REPS2: variants seen among roughly 807,000 people sequenced by gnomAD.
The protein encoded by REPS2 is ralBP1-associated Eps domain-containing protein 2.
In REPS2, 23 loss-of-function variants were observed where a neutral mutation model predicts 53.6. The ratio of observed to expected loss-of-function variants is 0.43; its 90% CI spans 0.31 to 0.61. The LOEUF is 0.61. Ranked by LOEUF, REPS2 falls within the 20% of genes least tolerant of loss-of-function variation. The pLI is 0.11. For missense variants in REPS2, 446 were observed against 534.9 expected (o/e 0.83, Z 1.64); for synonymous variants, 238 against 218.6 (o/e 1.09, Z -0.78).
chrX:17,172,963 C>CTGTG, the REPS2 span, among the ~76,000 whole-genome samples: 2 of 80,064 alleles, frequency 2.5e-5, no homozygotes. Context: ...ATTTTTCAGT[C>CTGTG]TGTGTGTATG....
In REPS2 at chrX:16,947,117, G is replaced by A. The variant is rs2147577195; in HGVS notation, c.256G>A (p.Ala86Thr). The change falls in exon 1 of 18, where the codon GCC becomes ACC. Residue 86 changes from alanine to threonine, a missense_variant. By Grantham distance (58) the Ala-to-Thr change is moderately conservative. Transcript: ENST00000357277. Reference sequence around the variant, plus strand: ...CCTGTTTCGGGCATCGCAGCTGCCCGCCGAGACGCTGCACCAGGTGGGTCC... The same window carrying A: ...CCTGTTTCGGGCATCGCAGCTGCCCACCGAGACGCTGCACCAGGTGGGTCC... ...ADLFRASQLPAETLHQITELC... is the reference protein window; with the variant it reads ...ADLFRASQLPTETLHQITELC... The A allele has an allele frequency of 9.1e-7, 1 of 1,093,019 alleles. No individual in the cohort carries two copies. Among genetic ancestry groups the A allele is most frequent in the Admixed American group, 3.0e-5 (1 of 33,224 alleles). The allele number at this position is 1,093,019 out of a possible 1,213,427, so 90.1% of individuals were successfully genotyped here.
chrX:16,978,486 C>T (rs1257446061), intron 1 of REPS2: 2 of 604,162 alleles, frequency 3.3e-6, no homozygotes, highest in Admixed American at 1.8e-4. Flanking sequence ...TCCTTCTGTG[C>T]CCTTGTGTTT....
At chrX:17,056,456 G>A (rs1169269741) in intron 8 of REPS2, among the ~76,000 whole-genome samples, 1 of 111,845 alleles carries the variant, frequency 8.9e-6, no homozygotes, top group Non-Finnish European at 1.9e-5. Context: ...TTGGGAGGCC[G>A]AGGCGGGCGG....
intron 13 of REPS2, among the ~76,000 whole-genome samples, chrX:17,079,399 G>A (rs2062424519): frequency 9.0e-6 from 1 of 111,660 alleles, no homozygotes; most frequent in Admixed American, 9.5e-5. Context: ...CAAAAGGACT[G>A]AACCCCAGTT....
chrX:17,099,479 A>G (rs1355812069), intron 13 of REPS2, among the ~76,000 whole-genome samples: 1 of 111,640 alleles, frequency 9.0e-6, no homozygotes, highest in East Asian at 2.8e-4. Flanking sequence ...GCTCTCCCAC[A>G]CACCCAGTTC....
At chrX:17,124,800 A>G (rs944041019) in intron 14 of REPS2, among the ~76,000 whole-genome samples, 3 of 102,270 alleles carry the variant, frequency 2.9e-5, no homozygotes, top group Admixed American at 2.1e-4. Context: ...TTGCAAACCT[A>G]AAAAAAAAAA....
chrX:17,111,598 T>TA (rs2062972301), intron 14 of REPS2, among the ~76,000 whole-genome samples: 1 of 112,163 alleles, frequency 8.9e-6, no homozygotes, highest in South Asian at 3.7e-4. Context: ...ACCAAGGCTG[T>TA]ACCTTCATTT....
rs767402685 is a variant in REPS2 at position 16,971,912 on chromosome X, C to T, written c.273+24778C>T. Among the ~76,000 whole-genome samples, 10 of 112,090 alleles carry T rather than the reference C, an allele frequency of 8.9e-5. No individual in the cohort carries two copies. In the East Asian group the frequency reaches 1.7e-3, roughly 19 times the overall value. On this transcript the variant is annotated intron_variant, in intron 1 of 17. Transcript: ENST00000357277. ...TTAATCTATTTTTGAGGCAGACTTT[C>T]GCTCCCTGATCTAAAATTAAAATGT... is the stretch of plus-strand genomic sequence containing the variant.
chrX:17,156,624 T>G (rs1425728647), downstream of REPS2, among the ~76,000 whole-genome samples: 1 of 111,207 alleles, frequency 9.0e-6, no homozygotes, highest in Non-Finnish European at 1.9e-5. Flanking sequence ...TTCTTGTACC[T>G]GGGGTGGACC....
At chrX:17,054,563 C>T (rs1277698142) in intron 7 of REPS2, among the ~76,000 whole-genome samples, 1 of 112,027 alleles carries the variant, frequency 8.9e-6, no homozygotes, top group Non-Finnish European at 1.9e-5. Flanking sequence ...TTGTAAGACA[C>T]ACCAACTAGG....
At chrX:17,184,525 G>A in the REPS2 span, among the ~76,000 whole-genome samples, 3 of 107,585 alleles carry the variant, frequency 2.8e-5, no homozygotes, top group Non-Finnish European at 5.8e-5. Flanking sequence ...ATGATTTATA[G>A]TCCTTTGGGT....
chrX:16,977,698 A>G, intron 1 of REPS2, among the ~76,000 whole-genome samples: 1 of 91,690 alleles, frequency 1.1e-5, no homozygotes, highest in Non-Finnish European at 2.1e-5. Flanking sequence ...CTTGGGCAAC[A>G]GAGCAAGACC....
chrX:17,054,113 T>C (rs952393348), intron 7 of REPS2, among the ~76,000 whole-genome samples: 198 of 112,002 alleles, frequency 1.8e-3, no homozygotes, highest in African/African-American at 6.0e-3. Flanking sequence ...GTCTGTGCCT[T>C]TTAGTGGGAA....
chrX:17,079,582 G>T (rs1325307909), intron 13 of REPS2, among the ~76,000 whole-genome samples: 1 of 112,247 alleles, frequency 8.9e-6, no homozygotes, highest in Non-Finnish European at 1.9e-5. Context: ...CTGTGTCAAT[G>T]TGACTTCAAG....
intron 1 of REPS2, among the ~76,000 whole-genome samples, chrX:16,960,280 T>C (rs373361049): frequency 9.0e-6 from 1 of 110,813 alleles, no homozygotes; most frequent in South Asian, 3.9e-4. Context: ...GGCAGCAGGA[T>C]CGCTGGAGCC....
At chrX:17,138,831 C>T (rs754814891) in intron 16 of REPS2, 25 bp from the exon 17 acceptor site, 211 of 1,081,191 alleles carry the variant, frequency 2.0e-4, no homozygotes, top group Non-Finnish European at 2.6e-4. Context: ...TCCTTTTTCA[C>T]TGAAGTGTTT....
At chrX:16,960,223 T>G (rs2060642715) in intron 1 of REPS2, among the ~76,000 whole-genome samples, 1 of 110,028 alleles carries the variant, frequency 9.1e-6, no homozygotes, top group Non-Finnish European at 1.9e-5. Flanking sequence ...AAAAATGAGC[T>G]GGGCATAGTG....
intron 5 of REPS2, among the ~76,000 whole-genome samples, chrX:17,044,088 C>T (rs1477603297): frequency 1.8e-5 from 2 of 111,944 alleles, no homozygotes; most frequent in Admixed American, 9.5e-5. Context: ...TTAATCACCC[C>T]CTTCTGTTCA....
At chrX:16,998,624 G>A (rs950857325) in intron 1 of REPS2, among the ~76,000 whole-genome samples, 2 of 111,649 alleles carry the variant, frequency 1.8e-5, no homozygotes, top group East Asian at 2.8e-4. Context: ...AAAGGGATTC[G>A]GATTTTAGGT....
Sources: allele counts gnomAD v4.1 joint callset (sites outside exome capture counted in the v4.1 genomes callset), GRCh38; gene constraint gnomAD v4.1.1; transcripts MANE v1.5; gene names NCBI Gene and HGNC (gene_info 2026-07-23, HGNC 2026-07-21).